Variants in AGAP1 observed in about 807,000 individuals in gnomAD.
The protein encoded by AGAP1 is ArfGAP with GTPase domain, ankyrin repeat and PH domain 1.
A neutral mutation model predicts 105.3 loss-of-function variants in AGAP1; 29 were observed. The ratio of observed to expected loss-of-function variants is 0.28; its 90% CI spans 0.21 to 0.38. AGAP1 has a LOEUF of 0.38. AGAP1 is among the 10% of genes least tolerant of loss of function. AGAP1 has a pLI of 1.00. For synonymous variants in AGAP1, 509 were observed against 485.9 expected (o/e 1.05, Z -0.63); for missense variants, 998 against 1,165.1 (o/e 0.86, Z 2.09).
chr2:236,077,323 C>CTTT (rs552986627), intron 16 of AGAP1, among the ~76,000 whole-genome samples: 5 of 136,546 alleles, frequency 3.7e-5, no homozygotes, highest in Admixed American at 3.0e-4. Context: ...ATGTATGTCT[C>CTTT]TTTTTTTTTT....
chr2:235,709,057 C>A, intron 1 of AGAP1, 122 bp from the exon 2 acceptor site: 1 of 949,092 alleles, frequency 1.1e-6, no homozygotes, highest in Non-Finnish European at 1.7e-6. Context: ...GAGAGTGACA[C>A]AGGGAGGCTT....
At position 236,056,011 on chromosome 2, in the gene AGAP1, T is replaced by TA. The variant is rs1196857016; in HGVS notation, c.2114+6731dup. 3.9e-5 allele frequency among the ~76,000 whole-genome samples: 6 copies of TA among 152,198 alleles called. No homozygotes were observed. Among genetic ancestry groups the TA allele is most frequent in the Non-Finnish European group, 8.8e-5 (6 of 68,038 alleles). On this transcript the variant is annotated intron_variant, in intron 16 of 17. Coordinates refer to ENST00000304032, the MANE Select transcript of AGAP1 (RefSeq NM_001037131.3). The surrounding 1 kb of genome is among the most constrained non-coding windows in gnomAD (Gnocchi z 4.6). ...TACGTTAACACTGCCTTTAAAATAA[T>TA]ACCTACAGATTACAGTTGACAACAG...
intron 9 of AGAP1, among the ~76,000 whole-genome samples, chr2:235,847,133 G>C (rs1333688955): frequency 6.6e-6 from 1 of 152,216 alleles, no homozygotes; most frequent in East Asian, 1.9e-4. Flanking sequence ...GAGGCTTAAA[G>C]GTAGAACATC....
chr2:235,714,422 C>T lies in AGAP1; in HGVS notation c.223-3135C>T, dbSNP rs1226424910. 6.6e-6 allele frequency among the ~76,000 whole-genome samples: 1 copy of T among 151,954 alleles called. No homozygotes were observed. Among genetic ancestry groups the T allele is most frequent in the African/African-American group, 2.4e-5 (1 of 41,362 alleles). On this transcript the variant is annotated intron_variant, in intron 2 of 17. Transcript: ENST00000304032. This position sits in a 1 kb window ranked among gnomAD's most constrained non-coding sequence, Gnocchi z 4.1. ...GAAGGCTTGTCAGAGGAGGTGACAT[C>T]TGAACTGATAGTAAGAGTAGGTTTC...
chr2:235,931,637 A>G lies in AGAP1; in HGVS notation c.1483+714A>G, dbSNP rs922421539. 2.6e-5 allele frequency among the ~76,000 whole-genome samples: 4 copies of G among 152,010 alleles called. No homozygotes were observed. The highest frequency in any genetic ancestry group is 5.9e-5 in the Non-Finnish European group (4 of 68,014). ...TAAAGGAATTCCCACTGTTGTATGT[A>G]ATCTATCAGACGGGGTTTTAGAGTA... On this transcript the variant is annotated intron_variant, in intron 12 of 17. Coordinates refer to ENST00000304032, the MANE Select transcript of AGAP1 (RefSeq NM_001037131.3). This position sits in a 1 kb window ranked among gnomAD's most constrained non-coding sequence, Gnocchi z 5.6.
chr2:235,549,639 A>C lies in AGAP1; in HGVS notation c.163+54790A>C, dbSNP rs72986808. 0.041 allele frequency among the ~76,000 whole-genome samples: 6,185 copies of C among 152,216 alleles called. 170 individuals are homozygous for C. Among genetic ancestry groups the C allele is most frequent in the Middle Eastern group, 0.14 (41 of 294 alleles). On this transcript the variant is annotated intron_variant, in intron 1 of 17. Coordinates refer to ENST00000304032, the MANE Select transcript of AGAP1 (RefSeq NM_001037131.3). The surrounding 1 kb of genome is among the most constrained non-coding windows in gnomAD (Gnocchi z 4.2). The stretch of plus-strand genomic sequence containing the variant: ...CTTTAAAACTCCTTGGCACCATCTA[A>C]TTTTTTAAAAATGAGCCTAATACTG...
intron 9 of AGAP1, among the ~76,000 whole-genome samples, chr2:235,821,681 T>C (rs1958797775): frequency 6.6e-6 from 1 of 152,178 alleles, no homozygotes; most frequent in Non-Finnish European, 1.5e-5. Flanking sequence ...ACCAGGAAAT[T>C]AGTATTGGTA....
intron 1 of AGAP1, among the ~76,000 whole-genome samples, chr2:235,677,514 G>A (rs1259541772): frequency 6.6e-6 from 1 of 152,174 alleles, no homozygotes; most frequent in Non-Finnish European, 1.5e-5. Flanking sequence ...TTTTGAATCT[G>A]TTTCTGGTGT....
intron 9 of AGAP1, among the ~76,000 whole-genome samples, chr2:235,846,170 T>C (rs184267084): frequency 3.9e-5 from 6 of 152,290 alleles, no homozygotes; most frequent in Admixed American, 2.0e-4. Context: ...TACTGGACTG[T>C]TGGAAATTTC....
At chr2:235,969,319 T>C (rs557553237) in intron 13 of AGAP1, among the ~76,000 whole-genome samples, 13 of 150,510 alleles carry the variant, frequency 8.6e-5, no homozygotes, top group African/African-American at 7.3e-5. Flanking sequence ...CACACACACA[T>C]ACACACACAC....
In AGAP1 at chr2:235,716,171, T is replaced by A. The variant is rs1423849868; in HGVS notation, c.223-1386T>A. On this transcript the variant is annotated intron_variant, in intron 2 of 17. Coordinates refer to ENST00000304032, the MANE Select transcript of AGAP1 (RefSeq NM_001037131.3). This position sits in a 1 kb window ranked among gnomAD's most constrained non-coding sequence, Gnocchi z 4.0. Reference sequence around the variant, plus strand: ...CAGCTCATTGAGAGAAGGTTGGATGTGGACAGGCGCATGTTGGGACATTAG... The same window carrying A: ...CAGCTCATTGAGAGAAGGTTGGATGAGGACAGGCGCATGTTGGGACATTAG... 6.6e-6 allele frequency among the ~76,000 whole-genome samples: 1 copy of A among 152,110 alleles called. No individual in the cohort carries two copies. The highest frequency in any genetic ancestry group is 1.5e-5 in the Non-Finnish European group (1 of 68,012).
intron 1 of AGAP1, among the ~76,000 whole-genome samples, chr2:235,589,189 GTTTTGTTTT>G (rs1352661936): frequency 1.8e-4 from 10 of 54,942 alleles, no homozygotes; most frequent in East Asian, 1.6e-3. Flanking sequence ...ATAGCTTATT[GTTTTGTTTT>G]TTTTTTTTTT....
chr2:235,610,393 C>T lies in AGAP1; in HGVS notation c.164-98786C>T, dbSNP rs142331959. Among the ~76,000 whole-genome samples, 447 of 152,282 alleles carry T rather than the reference C, an allele frequency of 2.9e-3. 6 individuals are homozygous for T. The highest frequency in any genetic ancestry group is 9.5e-3 in the African/African-American group (393 of 41,560). The stretch of plus-strand genomic sequence containing the variant: ...ATGCATTTTCTCACAGTTCTAGAGG[C>T]TGGAAGTCCAAGATCAGGGTGCTGG... On this transcript the variant is annotated intron_variant, in intron 1 of 17. Transcript: ENST00000304032. This position sits in a 1 kb window ranked among gnomAD's most constrained non-coding sequence, Gnocchi z 4.9.
At chr2:235,869,461 C>T (rs752978624) in intron 9 of AGAP1, among the ~76,000 whole-genome samples, 2 of 138,078 alleles carry the variant, frequency 1.4e-5, no homozygotes, top group Non-Finnish European at 3.1e-5. Flanking sequence ...ATTAGCCGGG[C>T]GTGACGGCAG....
In AGAP1 at chr2:235,736,098, C is replaced by T. The variant is rs1194439759; in HGVS notation, c.311-4865C>T. ...TTCAGTGAGACTGGGACTCTGTTTT[C>T]CCCTCTCACTGAGATGCGGTCACAG... On this transcript the variant is annotated intron_variant, in intron 3 of 17. Coordinates refer to ENST00000304032, the MANE Select transcript of AGAP1 (RefSeq NM_001037131.3). The surrounding 1 kb of genome is among the most constrained non-coding windows in gnomAD (Gnocchi z 5.5). 2.6e-5 allele frequency among the ~76,000 whole-genome samples: 4 copies of T among 151,458 alleles called. No homozygotes were observed. The highest frequency in any genetic ancestry group is 7.3e-5 in the African/African-American group (3 of 41,170).
At chr2:235,745,720 G>A (rs1173501139) in intron 5 of AGAP1, among the ~76,000 whole-genome samples, 4 of 152,198 alleles carry the variant, frequency 2.6e-5, no homozygotes, top group Admixed American at 1.3e-4. Flanking sequence ...TCTTTAGGAC[G>A]TCAGCTGTAC....
At position 236,036,665 on chromosome 2, in the gene AGAP1, G is replaced by A. The variant is rs373446695; in HGVS notation, c.1750G>A (p.Glu584Lys). ...GCGGGACGCCTGGGTCCAAGCCATCGAGAGCCAGATCCTGGCCAGCCTGCA... is the reference window on the plus strand; with the variant it reads ...GCGGGACGCCTGGGTCCAAGCCATCAAGAGCCAGATCCTGGCCAGCCTGCA... The part of the protein sequence containing the change: ...EERDAWVQAI[E>K]SQILASLQSC... The change falls in exon 14 of 18, where the codon GAG (glutamate) becomes AAG (lysine). Residue 584 changes from glutamate to lysine, a missense_variant. Glu to Lys is a moderately conservative substitution (Grantham distance 56). Coordinates refer to ENST00000304032, the MANE Select transcript of AGAP1 (RefSeq NM_001037131.3). This position sits in a 1 kb window ranked among gnomAD's most constrained non-coding sequence, Gnocchi z 5.7. 2.4e-5 allele frequency: 39 copies of A among 1,614,062 alleles called. No individual in the cohort carries two copies. Among genetic ancestry groups the A allele is most frequent in the Admixed American group, 1.3e-4 (8 of 60,014 alleles).
At chr2:235,536,005 C>T (rs1943203862) in intron 1 of AGAP1, among the ~76,000 whole-genome samples, 1 of 152,024 alleles carries the variant, frequency 6.6e-6, no homozygotes, top group African/African-American at 2.4e-5. Context: ...ACTCATGCTA[C>T]TAAGTTGTCT....
chr2:236,118,801 T>C (rs756532600), intron 16 of AGAP1, among the ~76,000 whole-genome samples: 2 of 151,896 alleles, frequency 1.3e-5, no homozygotes, highest in Non-Finnish European at 2.9e-5. Flanking sequence ...TCTCACACTG[T>C]TCTTTGTAAA....
Sources: gnomAD v4.1 joint callset for allele counts (sites outside exome capture counted in the v4.1 genomes callset) on GRCh38, gnomAD v4.1.1 for gene constraint, Gnocchi (gnomAD v3.1) non-coding constraint, MANE v1.5 for transcripts, NCBI Gene and HGNC (gene_info 2026-07-23, HGNC 2026-07-21) for gene names.